Variants in PRIM2 observed in about 807,000 individuals in gnomAD.
PRIM2 encodes DNA primase subunit 2.
In PRIM2, 39 loss-of-function variants were observed where a neutral mutation model predicts 67.3. The ratio of observed to expected loss-of-function variants is 0.58; its 90% confidence interval spans 0.45 to 0.76. PRIM2 has a LOEUF of 0.76. PRIM2 is among the 30% of genes least tolerant of loss of function. The probability of loss-of-function intolerance (pLI) is 0.00; values close to 1 mark genes in which losing one functional copy is unlikely to be tolerated. For missense variants in PRIM2, 398 were observed against 598.7 expected (o/e 0.66, Z 3.50); for synonymous variants, 143 against 198.7 (o/e 0.72, Z 2.36).
intron 5 of PRIM2, among the ~76,000 whole-genome samples, chr6:57,346,666 T>C (rs1768688700): frequency 6.6e-6 from 1 of 152,216 alleles, no homozygotes; most frequent in East Asian, 1.9e-4. Context: ...TTTCCCTCTT[T>C]CCTCCAAGTT....
intron 13 of PRIM2, among the ~76,000 whole-genome samples, chr6:57,639,273 A>C (rs1175369326): frequency 6.6e-6 from 1 of 152,186 alleles, no homozygotes; most frequent in African/African-American, 2.4e-5. Flanking sequence ...GGAAATTTAT[A>C]GCCCTAAATG....
At position 57,627,141 on chromosome 6, in the gene PRIM2, T is replaced by C. The variant is rs1218081139; in HGVS notation, c.1231-4992T>C. On this transcript the variant is annotated intron_variant, in intron 12 of 13. Coordinates refer to ENST00000615550, the MANE Select transcript of PRIM2 (RefSeq NM_000947.5). ...ATTAAAAATTCAAAAATTAGCTGGGTGTTATGGTGCGCATCTGTAATCCTG... is the reference window on the plus strand; with the variant it reads ...ATTAAAAATTCAAAAATTAGCTGGGCGTTATGGTGCGCATCTGTAATCCTG... 4.0e-5 allele frequency among the ~76,000 whole-genome samples: 6 copies of C among 149,596 alleles called. No individual in the cohort carries two copies. In the East Asian group the frequency reaches 1.0e-3, roughly 26 times the overall value.
At chr6:57,518,131 G>C (rs1465337481) in intron 8 of PRIM2, among the ~76,000 whole-genome samples, 1 of 152,304 alleles carries the variant, frequency 6.6e-6, no homozygotes, top group African/African-American at 2.4e-5. Context: ...TATTTGGAAA[G>C]TAGTGCTAGA....
intron 7 of PRIM2, among the ~76,000 whole-genome samples, chr6:57,436,772 A>G (rs1772025636): frequency 6.6e-6 from 1 of 152,174 alleles, no homozygotes; most frequent in Admixed American, 6.5e-5. Context: ...ATTTAATTAA[A>G]TTGCATATGC....
intron 7 of PRIM2, among the ~76,000 whole-genome samples, chr6:57,438,053 A>G (rs1772071012): frequency 8.9e-6 from 1 of 111,782 alleles, no homozygotes; most frequent in Non-Finnish European, 2.0e-5. Flanking sequence ...TCCCAACAAC[A>G]TTTTAAAATT....
At chr6:57,606,804 T>G (rs1433689224) in intron 12 of PRIM2, among the ~76,000 whole-genome samples, 2 of 152,242 alleles carry the variant, frequency 1.3e-5, no homozygotes, top group Non-Finnish European at 2.9e-5. Context: ...AGCCGAAAAT[T>G]AATGACAGCA....
intron 10 of PRIM2, among the ~76,000 whole-genome samples, chr6:57,595,292 A>G (rs1776346260): frequency 6.6e-6 from 1 of 152,202 alleles, no homozygotes; most frequent in African/African-American, 2.4e-5. Flanking sequence ...GAGAATAGCC[A>G]AAAACTGTAA....
the PRIM2 span, among the ~76,000 whole-genome samples, chr6:57,262,554 G>A: frequency 6.6e-6 from 1 of 152,022 alleles, no homozygotes; most frequent in Non-Finnish European, 1.5e-5. Flanking sequence ...AGGCTTTGCC[G>A]AGGCTGAAAC....
chr6:57,445,293 A>C (rs5003060), intron 7 of PRIM2, among the ~76,000 whole-genome samples: 1 of 152,112 alleles, frequency 6.6e-6, no homozygotes, highest in African/African-American at 2.4e-5. Flanking sequence ...CAGGGGACAG[A>C]GTTAGGAGAG....
intron 10 of PRIM2, among the ~76,000 whole-genome samples, chr6:57,556,750 C>T (rs1331873440): frequency 6.6e-6 from 1 of 152,122 alleles, no homozygotes; most frequent in Non-Finnish European, 1.5e-5. Context: ...GACAAAGATA[C>T]CAGAAGCAAT....
At chr6:57,502,034 C>T (rs1554346920) in intron 7 of PRIM2, among the ~76,000 whole-genome samples, 5 of 152,158 alleles carry the variant, frequency 3.3e-5, no homozygotes, top group African/African-American at 1.2e-4. Flanking sequence ...ACCCAACCCC[C>T]TCCACCAAAA....
the PRIM2 span, among the ~76,000 whole-genome samples, chr6:57,271,421 T>A: frequency 1.3e-5 from 2 of 152,200 alleles, no homozygotes; most frequent in Non-Finnish European, 2.9e-5. Context: ...TGCGTAGAGG[T>A]GTTTATAGTA....
intron 7 of PRIM2, chr6:57,382,377 G>A: frequency 2.1e-6 from 1 of 470,558 alleles, no homozygotes; most frequent in African/African-American, 2.0e-5. Flanking sequence ...TTTTTTTCTT[G>A]ATCCTACTAA....
intron 5 of PRIM2, among the ~76,000 whole-genome samples, chr6:57,342,112 G>A (rs1355422600): frequency 6.6e-6 from 1 of 152,150 alleles, no homozygotes; most frequent in Admixed American, 6.5e-5. Context: ...AATTTCTGGT[G>A]TTCTATTACT....
At chr6:57,494,094 A>C (rs1472541508) in intron 7 of PRIM2, 1 of 152,198 alleles carries the variant, frequency 6.6e-6, no homozygotes, top group African/African-American at 2.4e-5. Context: ...TACTCTTAGG[A>C]AGTGTATCCC....
intron 9 of PRIM2, among the ~76,000 whole-genome samples, chr6:57,536,487 A>AG (rs1775005756): frequency 1.3e-5 from 2 of 152,326 alleles, no homozygotes; most frequent in Admixed American, 1.3e-4. Context: ...CTATTCAGCA[A>AG]TTGTACTTTT....
chr6:57,311,631 G>A (rs559534134), upstream of PRIM2, among the ~76,000 whole-genome samples: 8 of 152,308 alleles, frequency 5.3e-5, no homozygotes, highest in East Asian at 1.9e-4. Context: ...CGGGGTGACC[G>A]GCGGGCAGAG....
intron 7 of PRIM2, among the ~76,000 whole-genome samples, chr6:57,447,677 T>C (rs1464669987): frequency 2.0e-5 from 3 of 152,172 alleles, no homozygotes; most frequent in Non-Finnish European, 2.9e-5. Flanking sequence ...CAGAGTAAAT[T>C]TGTATACTGG....
chr6:57,606,290 G>A, intron 11 of PRIM2, 85 bp from the exon 12 acceptor site: 2 of 1,025,288 alleles, frequency 2.0e-6, no homozygotes, highest in Non-Finnish European at 3.0e-6. Flanking sequence ...ATTAAGGGGA[G>A]CTTAGATGGT....
Sources: allele counts gnomAD v4.1 joint callset (sites outside exome capture counted in the v4.1 genomes callset), GRCh38; gene constraint gnomAD v4.1.1; transcripts MANE v1.5; gene names NCBI Gene and HGNC (gene_info 2026-07-23, HGNC 2026-07-21).